Variants in LINGO2 observed in about 807,000 individuals in gnomAD.
LINGO2 encodes the protein leucine-rich repeat and immunoglobulin-like domain-containing nogo receptor-interacting protein 2.
Under a neutral mutation model 30.6 loss-of-function variants are expected in LINGO2, and 14 were observed. The ratio of observed to expected loss-of-function variants is 0.46; its 90% CI spans 0.30 to 0.72. The LOEUF is 0.72. Ranked by LOEUF, LINGO2 falls within the 30% of genes least tolerant of loss-of-function variation. The pLI, the probability that LINGO2 is intolerant of heterozygous loss-of-function variation, is 0.07. For synonymous variants in LINGO2, 317 were observed against 288.5 expected (o/e 1.10, Z -1.00); for missense variants, 729 against 751.7 (o/e 0.97, Z 0.35).
the LINGO2 span, among the ~76,000 whole-genome samples, chr9:28,809,447 T>C: frequency 6.6e-6 from 1 of 152,176 alleles, no homozygotes; most frequent in Admixed American, 6.5e-5. Flanking sequence ...TGGGTGATCT[T>C]TTAAAAATGC....
At chr9:28,279,510 C>G (rs1015334768) in intron 4 of LINGO2, among the ~76,000 whole-genome samples, 1 of 152,174 alleles carries the variant, frequency 6.6e-6, no homozygotes, top group Non-Finnish European at 1.5e-5. Context: ...GCAAACCCCC[C>G]ACCAGCAAAA....
At chr9:29,132,895 G>GC in the LINGO2 span, among the ~76,000 whole-genome samples, 2 of 149,912 alleles carry the variant, frequency 1.3e-5, no homozygotes, top group Non-Finnish European at 3.0e-5. Context: ...TTTTTTTACT[G>GC]TTTTTTTAAG....
chr9:28,746,120 G>T, the LINGO2 span, among the ~76,000 whole-genome samples: 21 of 151,922 alleles, frequency 1.4e-4, no homozygotes, highest in African/African-American at 4.8e-4. Context: ...TTGAGTTCAG[G>T]TAACTAATAA....
intron 4 of LINGO2, among the ~76,000 whole-genome samples, chr9:28,086,249 T>C (rs1189852452): frequency 3.3e-5 from 5 of 151,990 alleles, no homozygotes; most frequent in East Asian, 1.9e-4. Flanking sequence ...TTAAAACATA[T>C]GGAAAAATGC....
intron 4 of LINGO2, among the ~76,000 whole-genome samples, chr9:28,076,247 G>T (rs1328892764): frequency 6.6e-6 from 1 of 152,016 alleles, no homozygotes; most frequent in Non-Finnish European, 1.5e-5. Flanking sequence ...ATGTTTGGTT[G>T]ATCTTTTTGT....
the LINGO2 span, among the ~76,000 whole-genome samples, chr9:28,844,977 G>T: frequency 6.6e-6 from 1 of 151,846 alleles, no homozygotes; most frequent in Non-Finnish European, 1.5e-5. Context: ...AAAATCATAT[G>T]CTAAGTAGGT....
the LINGO2 span, among the ~76,000 whole-genome samples, chr9:28,875,530 C>G: frequency 6.6e-6 from 1 of 152,006 alleles, no homozygotes. Context: ...CTATTTTCCT[C>G]CTGGATTTTT....
chr9:28,020,909 T>C (rs1380417563), intron 4 of LINGO2, among the ~76,000 whole-genome samples: 2 of 152,140 alleles, frequency 1.3e-5, no homozygotes, highest in African/African-American at 2.4e-5. Flanking sequence ...TATTGGTAAT[T>C]TGTGGCTTTT....
intron 2 of LINGO2, among the ~76,000 whole-genome samples, chr9:28,431,961 G>A (rs1046238235): frequency 1.1e-4 from 17 of 151,914 alleles, no homozygotes; most frequent in Non-Finnish European, 2.4e-4. Context: ...AAATACGTAG[G>A]TGATGGGAAA....
chr9:28,482,608 T>G lies in LINGO2; in HGVS notation c.-364-6583A>C, dbSNP rs557893620. On this transcript the variant is annotated intron_variant, in intron 1 of 5. Coordinates refer to ENST00000379992, the Ensembl canonical transcript of LINGO2. ...ACTCTGATGGTAGTTTCTTTTGCTGTGCAGAAGCTCTTTAGTTTAATTAGA... is the reference window on the plus strand; with the variant it reads ...ACTCTGATGGTAGTTTCTTTTGCTGGGCAGAAGCTCTTTAGTTTAATTAGA... Among the ~76,000 whole-genome samples the G allele has an allele frequency of 4.6e-5, 7 of 152,274 alleles. No homozygotes were observed. The East Asian group carries it at 1.2e-3, about 25-fold the overall frequency.
intron 2 of LINGO2, among the ~76,000 whole-genome samples, chr9:28,428,997 T>C (rs1006939159): frequency 1.3e-5 from 2 of 152,202 alleles, no homozygotes; most frequent in African/African-American, 2.4e-5. Context: ...CTTAAGAATC[T>C]AACTTGTTAA....
chr9:28,137,561 A>G (rs1392449279), intron 4 of LINGO2, among the ~76,000 whole-genome samples: 2 of 152,062 alleles, frequency 1.3e-5, no homozygotes, highest in Non-Finnish European at 2.9e-5. Flanking sequence ...TCCTGGAAAC[A>G]TGAACCTTGT....
At chr9:28,986,594 T>G in the LINGO2 span, among the ~76,000 whole-genome samples, 1 of 152,022 alleles carries the variant, frequency 6.6e-6, no homozygotes, top group African/African-American at 2.4e-5. Context: ...TTTATCTCCC[T>G]GGTCAAATTT....
At chr9:28,922,048 T>C in the LINGO2 span, among the ~76,000 whole-genome samples, 2 of 152,146 alleles carry the variant, frequency 1.3e-5, no homozygotes, top group Non-Finnish European at 2.9e-5. Context: ...CAGCTCTTTG[T>C]GTACAGGCAT....
chr9:28,565,082 C>T (rs1222295670), intron 1 of LINGO2, among the ~76,000 whole-genome samples: 1 of 152,076 alleles, frequency 6.6e-6, no homozygotes, highest in Non-Finnish European at 1.5e-5. Flanking sequence ...TTTCTATTCC[C>T]TCCACCCGTA....
the LINGO2 span, among the ~76,000 whole-genome samples, chr9:28,782,651 C>T: frequency 1.3e-5 from 2 of 152,120 alleles, no homozygotes; most frequent in African/African-American, 4.8e-5. Flanking sequence ...TGATGCAAAA[C>T]TCTCCTCTTT....
chr9:28,365,179 G>A (rs73645656), intron 3 of LINGO2, among the ~76,000 whole-genome samples: 2 of 152,138 alleles, frequency 1.3e-5, no homozygotes, highest in African/African-American at 4.8e-5. Context: ...GCTGCAGAGA[G>A]GGGAGAGAGT....
intron 4 of LINGO2, among the ~76,000 whole-genome samples, chr9:28,060,053 T>G (rs2133118015): frequency 6.6e-6 from 1 of 151,966 alleles, no homozygotes; most frequent in East Asian, 1.9e-4. Flanking sequence ...TAGAAAATGG[T>G]TTTAATAATA....
chr9:29,149,598 T>C, the LINGO2 span, among the ~76,000 whole-genome samples: 173 of 151,818 alleles, frequency 1.1e-3, no homozygotes, highest in African/African-American at 4.0e-3. Flanking sequence ...GAACAGCTCC[T>C]AGGGAAGAGG....
Sources: allele counts gnomAD v4.1 joint callset (sites outside exome capture counted in the v4.1 genomes callset), GRCh38; gene constraint gnomAD v4.1.1; transcripts MANE v1.5; gene names NCBI Gene and HGNC (gene_info 2026-07-23, HGNC 2026-07-21).